The following MARCHF3 variants were observed in gnomAD, a reference collection of about 807,000 sequenced individuals.
MARCHF3 encodes membrane associated ring-CH-type finger 3.
In MARCHF3, 13 loss-of-function variants were observed where a neutral mutation model predicts 24.2. The ratio of observed to expected loss-of-function variants is 0.54; its 90% CI spans 0.35 to 0.85. The LOEUF (loss-of-function observed/expected upper bound fraction) is 0.85. MARCHF3 is among the 40% of genes least tolerant of loss of function. The probability of loss-of-function intolerance (pLI) is 0.01; values close to 1 mark genes in which losing one functional copy is unlikely to be tolerated. For synonymous variants in MARCHF3, 144 were observed against 137.3 expected (o/e 1.05, Z -0.34); for missense variants, 276 against 325.0 (o/e 0.85, Z 1.16).
At chr5:127,024,797 T>C (rs1220096013) in intron 1 of MARCHF3, among the ~76,000 whole-genome samples, 2 of 152,194 alleles carry the variant, frequency 1.3e-5, no homozygotes, top group Non-Finnish European at 2.9e-5. Flanking sequence ...ATTTTCCCAA[T>C]TATGAGTTCT....
intron 1 of MARCHF3, among the ~76,000 whole-genome samples, chr5:126,956,673 C>CA (rs1410549848): frequency 3.1e-5 from 4 of 128,102 alleles, no homozygotes; most frequent in Admixed American, 3.0e-4. Flanking sequence ...AAAAAAAAAC[C>CA]AAAAAAACAA....
intron 2 of MARCHF3, 77 bp from the exon 3 acceptor site, chr5:126,915,211 C>A (rs1754685598): frequency 7.0e-6 from 10 of 1,424,636 alleles, no homozygotes; most frequent in Non-Finnish European, 8.7e-6. Flanking sequence ...TAGCTCTTGT[C>A]CTTTGGGCCC....
At chr5:126,949,617 G>A (rs1380127256) in intron 1 of MARCHF3, among the ~76,000 whole-genome samples, 1 of 152,144 alleles carries the variant, frequency 6.6e-6, no homozygotes, top group East Asian at 1.9e-4. Flanking sequence ...ATCCTAGGAG[G>A]CCCTGGAGAG....
chr5:126,999,867 A>G (rs1029556317), intron 1 of MARCHF3, among the ~76,000 whole-genome samples: 2 of 152,146 alleles, frequency 1.3e-5, no homozygotes, highest in Admixed American at 1.3e-4. Flanking sequence ...AATCCATATT[A>G]TGGAAACAAA....
rs576086302 is a variant in MARCHF3 at position 126,979,719 on chromosome 5, C to T, written c.-57+50631G>A. Among the ~76,000 whole-genome samples the T allele has an allele frequency of 3.1e-3, 468 of 152,214 alleles. 2 individuals are homozygous for T. The highest frequency in any genetic ancestry group is 3.9e-3 in the Admixed American group (59 of 15,290). On this transcript the variant is annotated intron_variant, in intron 1 of 4. Coordinates refer to ENST00000308660, the MANE Select transcript of MARCHF3 (RefSeq NM_178450.5). ...ATCCCAGCACTCTGAGAGGCTGAGG[C>T]GGGCAGATCACCTGAGATCAGGAGT...
intron 2 of MARCHF3, among the ~76,000 whole-genome samples, chr5:126,916,341 C>T (rs1561425121): frequency 6.6e-6 from 1 of 152,152 alleles, no homozygotes; most frequent in South Asian, 2.1e-4. Context: ...TCTCTGTATG[C>T]CTCCCAAAGA....
chr5:127,013,663 C>G (rs1331247109), intron 1 of MARCHF3, among the ~76,000 whole-genome samples: 1 of 152,154 alleles, frequency 6.6e-6, no homozygotes, highest in African/African-American at 2.4e-5. Context: ...ATAACATAAA[C>G]ACAATCTGGA....
Position 126,884,777 on chromosome 5 carries a change from C to T in MARCHF3, c.394-6383G>A, listed in dbSNP as rs905109792. ...ATCCCAGGCTAGGTCGCCATCATCT[C>T]CTACTTGGGAGGCAATAGCCTCCCT... is the stretch of plus-strand genomic sequence containing the variant. On this transcript the variant is annotated intron_variant, in intron 3 of 4. Transcript: ENST00000308660. Among the ~76,000 whole-genome samples, 3 of 152,346 alleles carry T rather than the reference C, an allele frequency of 2.0e-5. No homozygotes were observed. The South Asian group carries it at 6.2e-4, about 32-fold the overall frequency.
At chr5:127,004,406 A>G (rs1216523149) in intron 1 of MARCHF3, among the ~76,000 whole-genome samples, 1 of 152,190 alleles carries the variant, frequency 6.6e-6, no homozygotes, top group African/African-American at 2.4e-5. Flanking sequence ...CTTCAGGAAT[A>G]TTACCAATTA....
intron 1 of MARCHF3, among the ~76,000 whole-genome samples, chr5:126,938,550 G>C (rs1450037524): frequency 6.9e-6 from 1 of 145,644 alleles, no homozygotes; most frequent in East Asian, 2.0e-4. Context: ...AGCAAAAAAA[G>C]CAAAAAAAAA....
At chr5:126,896,034 G>A (rs138125859) in intron 3 of MARCHF3, among the ~76,000 whole-genome samples, 3,143 of 152,240 alleles carry the variant, frequency 0.021, 81 homozygotes, top group South Asian at 0.11. Flanking sequence ...TAAGCCTGTC[G>A]GAAAAGCGCA....
chr5:126,983,937 T>C (rs1580706613), intron 1 of MARCHF3, among the ~76,000 whole-genome samples: 1 of 152,126 alleles, frequency 6.6e-6, no homozygotes, highest in African/African-American at 2.4e-5. Flanking sequence ...AACTGGAAAA[T>C]ACAGAAGCCA....
chr5:126,989,440 T>A (rs112936139), intron 1 of MARCHF3, among the ~76,000 whole-genome samples: 3,406 of 152,180 alleles, frequency 0.022, 111 homozygotes, highest in African/African-American at 0.078. Context: ...AACCACTTTG[T>A]TAGAAAGCAA....
chr5:126,871,282 C>A (rs1005133912), intron 4 of MARCHF3, among the ~76,000 whole-genome samples: 1 of 152,172 alleles, frequency 6.6e-6, no homozygotes, highest in African/African-American at 2.4e-5. Flanking sequence ...GAAGGACACC[C>A]TTTGTACTGT....
At chr5:126,962,813 C>CTGTGTG (rs60754212) in intron 1 of MARCHF3, among the ~76,000 whole-genome samples, 1 of 110,012 alleles carries the variant, frequency 9.1e-6, no homozygotes, top group South Asian at 3.3e-4. Context: ...AATACTCAAC[C>CTGTGTG]TGTGTGTGTG....
intron 3 of MARCHF3, 111 bp from the exon 4 acceptor site, chr5:126,878,505 C>T (rs929439986): frequency 2.9e-6 from 3 of 1,023,432 alleles, no homozygotes; most frequent in Non-Finnish European, 4.3e-6. Flanking sequence ...TGGGAAAAGG[C>T]ATTTCTGACT....
At chr5:126,948,037 G>A (rs994397114) in intron 1 of MARCHF3, among the ~76,000 whole-genome samples, 1 of 152,088 alleles carries the variant, frequency 6.6e-6, no homozygotes, top group Admixed American at 6.5e-5. Context: ...TTTGTTGGAA[G>A]GAAAAGGCAA....
At chr5:126,943,404 C>T (rs1205038538) in intron 1 of MARCHF3, among the ~76,000 whole-genome samples, 1 of 152,126 alleles carries the variant, frequency 6.6e-6, no homozygotes, top group Middle Eastern at 3.4e-3. Flanking sequence ...ATACGGAGAT[C>T]CCGTCTATAC....
At chr5:126,914,909 G>A in intron 3 of MARCHF3, 21 bp downstream of exon 3, 1 of 1,613,346 alleles carries the variant, frequency 6.2e-7, no homozygotes, top group South Asian at 1.1e-5. Context: ...TAAGTTTTCA[G>A]GACGTGCCCC....
Sources: gnomAD v4.1 joint callset for allele counts (sites outside exome capture counted in the v4.1 genomes callset) on GRCh38, gnomAD v4.1.1 for gene constraint, MANE v1.5 for transcripts, NCBI Gene and HGNC (gene_info 2026-07-23, HGNC 2026-07-21) for gene names.